ABI1: variants seen among roughly 807,000 people sequenced by gnomAD.
ABI1 encodes Abelson interactor 1.
A neutral mutation model predicts 54.6 loss-of-function variants in ABI1; 14 were observed. The ratio of observed to expected loss-of-function variants is 0.26; its 90% confidence interval spans 0.17 to 0.40. The LOEUF (loss-of-function observed/expected upper bound fraction) is 0.40. ABI1 is among the 10% of genes least tolerant of loss of function. The probability of loss-of-function intolerance (pLI) is 1.00; values close to 1 mark genes in which losing one functional copy is unlikely to be tolerated. For missense variants in ABI1, 443 were observed against 598.3 expected (o/e 0.74, Z 2.71); for synonymous variants, 194 against 209.3 (o/e 0.93, Z 0.63).
chr10:26,852,776 G>C (rs1277249844), intron 1 of ABI1, among the ~76,000 whole-genome samples: 1 of 151,822 alleles, frequency 6.6e-6, no homozygotes, highest in Non-Finnish European at 1.5e-5. Flanking sequence ...TCAAAAATGT[G>C]TTTTTGCTGG....
At chr10:26,813,990 G>A (rs997968559) in intron 2 of ABI1, among the ~76,000 whole-genome samples, 7 of 152,134 alleles carry the variant, frequency 4.6e-5, no homozygotes, top group African/African-American at 1.7e-4. Context: ...TGAGAAACCA[G>A]AGCACTGACT....
intron 2 of ABI1, among the ~76,000 whole-genome samples, chr10:26,818,692 T>G (rs1254380929): frequency 7.4e-6 from 1 of 134,838 alleles, no homozygotes; most frequent in African/African-American, 2.9e-5. Flanking sequence ...AAAAAGAAAA[T>G]GCGTGACACA....
chr10:26,798,019 T>C (rs1280876460), intron 2 of ABI1, among the ~76,000 whole-genome samples: 1 of 152,122 alleles, frequency 6.6e-6, no homozygotes, highest in Non-Finnish European at 1.5e-5. Context: ...AAAGATGCTA[T>C]GAAAGCATCT....
At chr10:26,753,172 A>G (rs1283688625) in intron 9 of ABI1, among the ~76,000 whole-genome samples, 2 of 152,194 alleles carry the variant, frequency 1.3e-5, no homozygotes, top group African/African-American at 2.4e-5. Flanking sequence ...CTCTCGAGGG[A>G]TGAAAGGGCT....
chr10:26,787,557 C>T (rs138429630), intron 2 of ABI1, among the ~76,000 whole-genome samples: 37 of 152,104 alleles, frequency 2.4e-4, no homozygotes, highest in Non-Finnish European at 5.0e-4. Context: ...CAGCAAAGCA[C>T]AACCCTCCAT....
chr10:26,790,284 G>A (rs1346128661), intron 2 of ABI1, among the ~76,000 whole-genome samples: 1 of 152,004 alleles, frequency 6.6e-6, no homozygotes, highest in Non-Finnish European at 1.5e-5. Context: ...CCACAACCTC[G>A]CCAGCATCTG....
chr10:26,780,383 A>G (rs1841953397), intron 2 of ABI1, among the ~76,000 whole-genome samples: 1 of 152,158 alleles, frequency 6.6e-6, no homozygotes, highest in Non-Finnish European at 1.5e-5. Flanking sequence ...GTATCCCACC[A>G]TGCCAGGCTA....
chr10:26,841,616 C>T (rs1329582145), intron 1 of ABI1, among the ~76,000 whole-genome samples: 1 of 151,900 alleles, frequency 6.6e-6, no homozygotes, highest in African/African-American at 2.4e-5. Context: ...CCTGGTAACC[C>T]ACTCTTTTAT....
At chr10:26,843,753 G>T (rs1356448274) in intron 1 of ABI1, among the ~76,000 whole-genome samples, 1 of 150,086 alleles carries the variant, frequency 6.7e-6, no homozygotes, top group East Asian at 2.0e-4. Flanking sequence ...ATGGGTGGAA[G>T]AAATACCCAA....
chr10:26,771,388 C>T (rs764111128), intron 3 of ABI1, among the ~76,000 whole-genome samples: 4 of 152,066 alleles, frequency 2.6e-5, no homozygotes, highest in Non-Finnish European at 4.4e-5. Flanking sequence ...CTAATCCAAC[C>T]GAGTAACAGA....
intron 1 of ABI1, among the ~76,000 whole-genome samples, chr10:26,851,580 C>G (rs906865972): frequency 6.6e-6 from 1 of 151,736 alleles, no homozygotes; most frequent in African/African-American, 2.4e-5. Context: ...TTTTCAAGTA[C>G]GACAGAGATC....
Position 26,751,458 on chromosome 10 carries a change from G to T in ABI1, c.1270+140C>A. On this transcript the variant is annotated intron_variant, in intron 10 of 10. Transcript: ENST00000376140. ...ACACTGGGAATAATACAAAACTTAG[G>T]AAGTAAGGTTTAAGTAAATCATCTT... 18 of 748,556 alleles carry T rather than the reference G, an allele frequency of 2.4e-5. No homozygotes were observed. The South Asian group carries it at 4.4e-4, about 18-fold the overall frequency. 46.4% of individuals were successfully genotyped at this position (748,556 alleles called of 1,614,324 possible). A position where few individuals can be genotyped will look rare whatever the true frequency, so the allele number is the denominator to read the frequency against.
At chr10:26,752,405 C>A (rs1837747851) in intron 9 of ABI1, among the ~76,000 whole-genome samples, 1 of 152,078 alleles carries the variant, frequency 6.6e-6, no homozygotes, top group Non-Finnish European at 1.5e-5. Flanking sequence ...GAATCCCCAA[C>A]CAGTAGAAAA....
At chr10:26,855,250 C>T (rs2050712780) in intron 1 of ABI1, among the ~76,000 whole-genome samples, 1 of 152,214 alleles carries the variant, frequency 6.6e-6, no homozygotes, top group African/African-American at 2.4e-5. Context: ...CATATCTCTT[C>T]TTATATTCAC....
Position 26,747,940 on chromosome 10 carries a change from C to T in ABI1, c.*630G>A. The T allele has an allele frequency of 5.1e-6, 1 of 196,636 alleles. No homozygotes were observed. Among genetic ancestry groups the T allele is most frequent in the Non-Finnish European group, 1.0e-5 (1 of 95,430 alleles). The allele number at this position is 196,636 out of a possible 1,614,324, so 12.2% of individuals were successfully genotyped here. ...AATGCAAATTTCACTCATTAAAAAA[C>T]TTAGGTACAAATTACAACATTACAG... is the stretch of plus-strand genomic sequence containing the variant. On this transcript the variant is annotated 3_prime_UTR_variant, in exon 11 of 11. Transcript: ENST00000376140.
At chr10:26,841,634 G>C (rs2049512854) in intron 1 of ABI1, among the ~76,000 whole-genome samples, 1 of 147,614 alleles carries the variant, frequency 6.8e-6, no homozygotes. Flanking sequence ...TATTCACTCT[G>C]TATATTTGAC....
chr10:26,798,263 T>C (rs963323525), intron 2 of ABI1, among the ~76,000 whole-genome samples: 1 of 151,716 alleles, frequency 6.6e-6, no homozygotes, highest in Admixed American at 6.6e-5. Flanking sequence ...AAAAGGGACT[T>C]TGCAGATGTG....
At position 26,860,002 on chromosome 10, in the gene ABI1, T is replaced by TAA. The variant is rs78526812; in HGVS notation, c.117+743_117+744dup. 4.6e-5 allele frequency among the ~76,000 whole-genome samples: 7 copies of TAA among 151,022 alleles called. No individual in the cohort carries two copies. In the South Asian group the frequency reaches 1.3e-3, roughly 27 times the overall value. The stretch of plus-strand genomic sequence containing the variant: ...GAAAACGATGAGAGGGGGAAAAAAA[T>TAA]AAAAAAAACCCGACTTGAAAATGGA... On this transcript the variant is annotated intron_variant, in intron 1 of 10. Coordinates refer to ENST00000376140, the MANE Select transcript of ABI1 (RefSeq NM_001012750.3). This position sits in a 1 kb window ranked among gnomAD's most constrained non-coding sequence, Gnocchi z 4.1.
chr10:26,815,346 A>G (rs561293914), intron 2 of ABI1, among the ~76,000 whole-genome samples: 24 of 152,300 alleles, frequency 1.6e-4, no homozygotes, highest in African/African-American at 5.3e-4. Context: ...TCAGTAAGTC[A>G]ATTGATAGTA....
Sources: gnomAD v4.1 joint callset for allele counts (sites outside exome capture counted in the v4.1 genomes callset) on GRCh38, gnomAD v4.1.1 for gene constraint, Gnocchi (gnomAD v3.1) non-coding constraint, MANE v1.5 for transcripts, NCBI Gene and HGNC (gene_info 2026-07-23, HGNC 2026-07-21) for gene names.